Variants in FER observed in about 807,000 individuals in gnomAD.
FER encodes tyrosine-protein kinase Fer.
A neutral mutation model predicts 111.0 loss-of-function variants in FER; 63 were observed. That is an observed-to-expected ratio of 0.57 (90% CI 0.46 to 0.70). The LOEUF (loss-of-function observed/expected upper bound fraction) is 0.70, where lower values mean the gene tolerates loss of function less well. Among genes scored for constraint, FER ranks in the 30% least tolerant of loss-of-function variants. The pLI is 0.00. For missense variants in FER, 914 were observed against 954.0 expected (o/e 0.96, Z 0.55); for synonymous variants, 327 against 313.9 (o/e 1.04, Z -0.44).
intron 5 of FER, among the ~76,000 whole-genome samples, chr5:108,837,448 A>C (rs187209667): frequency 6.6e-6 from 1 of 152,208 alleles, no homozygotes; most frequent in African/African-American, 2.4e-5. Flanking sequence ...TAATCTGTCA[A>C]AATAGTTAAT....
chr5:108,760,076 TTACTC>T (rs1561376303), intron 1 of FER, among the ~76,000 whole-genome samples: 1 of 152,164 alleles, frequency 6.6e-6, no homozygotes, highest in Non-Finnish European at 1.5e-5. Context: ...AAAAACAACA[TTACTC>T]TAGTACATCT....
intron 3 of FER, among the ~76,000 whole-genome samples, chr5:108,821,260 T>C (rs1758814020): frequency 6.6e-6 from 1 of 152,188 alleles, no homozygotes; most frequent in Non-Finnish European, 1.5e-5. Context: ...CTTAGTCCTT[T>C]GGTTCTTTAA....
chr5:108,938,377 G>T (rs746412789), intron 10 of FER, among the ~76,000 whole-genome samples: 2 of 151,994 alleles, frequency 1.3e-5, no homozygotes, highest in Non-Finnish European at 2.9e-5. Flanking sequence ...ACATAGAAAA[G>T]TAAGAAGAGT....
At chr5:108,908,908 C>T (rs980671976) in intron 10 of FER, among the ~76,000 whole-genome samples, 1 of 151,752 alleles carries the variant, frequency 6.6e-6, no homozygotes, top group Admixed American at 6.6e-5. Flanking sequence ...TGTGGTGGCA[C>T]GTGCCTGTAG....
chr5:108,903,228 G>A (rs966631412), intron 10 of FER, among the ~76,000 whole-genome samples: 1 of 152,132 alleles, frequency 6.6e-6, no homozygotes, highest in South Asian at 2.1e-4. Flanking sequence ...TGCACATTTT[G>A]TTTAAGCCCT....
At chr5:108,987,216 T>G (rs1490274832) in intron 13 of FER, among the ~76,000 whole-genome samples, 1 of 152,044 alleles carries the variant, frequency 6.6e-6, no homozygotes, top group Admixed American at 6.6e-5. Context: ...GAAGCCAAGG[T>G]AGGCAGATCA....
chr5:108,918,886 A>G (rs955326312), intron 10 of FER, among the ~76,000 whole-genome samples: 17 of 152,150 alleles, frequency 1.1e-4, no homozygotes, highest in Admixed American at 9.2e-4. Context: ...GGAGTTCTCA[A>G]TTGTATTCTG....
At chr5:108,894,937 A>G (rs529428799) in intron 9 of FER, among the ~76,000 whole-genome samples, 2 of 152,250 alleles carry the variant, frequency 1.3e-5, no homozygotes, top group East Asian at 1.9e-4. Flanking sequence ...GGGGGCTACA[A>G]TTTGAGATTT....
At chr5:109,160,189 A>G (rs1755846098) in intron 17 of FER, among the ~76,000 whole-genome samples, 1 of 152,160 alleles carries the variant, frequency 6.6e-6, no homozygotes, top group African/African-American at 2.4e-5. Flanking sequence ...ATGGAACTAT[A>G]CAGGTAACTC....
chr5:109,115,036 C>A (rs1330531560), intron 17 of FER, among the ~76,000 whole-genome samples: 1 of 151,988 alleles, frequency 6.6e-6, no homozygotes, highest in Non-Finnish European at 1.5e-5. Flanking sequence ...ATGGAGAAGC[C>A]AGTAGATATT....
chr5:108,926,948 C>T (rs1266314828), intron 10 of FER, among the ~76,000 whole-genome samples: 1 of 152,046 alleles, frequency 6.6e-6, no homozygotes, highest in African/African-American at 2.4e-5. Context: ...TTATCAGAAA[C>T]TGACATTCCT....
At chr5:108,898,653 T>G (rs1749541904) in intron 10 of FER, among the ~76,000 whole-genome samples, 1 of 147,370 alleles carries the variant, frequency 6.8e-6, no homozygotes, top group Admixed American at 6.8e-5. Flanking sequence ...CTTTCCTTTC[T>G]CTCTTCCTCT....
chr5:109,095,525 C>G (rs1352722926), intron 16 of FER, among the ~76,000 whole-genome samples: 3 of 152,082 alleles, frequency 2.0e-5, no homozygotes, highest in African/African-American at 7.2e-5. Context: ...TATGTAGCAG[C>G]CAGTATCCTC....
At chr5:109,054,518 C>T (rs1773376048) in intron 16 of FER, among the ~76,000 whole-genome samples, 3 of 152,154 alleles carry the variant, frequency 2.0e-5, no homozygotes, top group African/African-American at 7.2e-5. Context: ...ATTCTGGATA[C>T]AAATCCTTTT....
intron 16 of FER, among the ~76,000 whole-genome samples, chr5:109,079,130 T>C (rs929500243): frequency 1.3e-5 from 2 of 152,166 alleles, no homozygotes; most frequent in African/African-American, 4.8e-5. Context: ...CTAGTGGTAA[T>C]GTTCCAAGAC....
Position 109,102,217 on chromosome 5 carries a change from G to A in FER, c.2048+1698G>A, listed in dbSNP as rs555333820. ...GCTGTAATGTTGTTTTTCCCACTTTGCTTTTTAAGAATTTTCATGCCTTCA... is the reference window on the plus strand; with the variant it reads ...GCTGTAATGTTGTTTTTCCCACTTTACTTTTTAAGAATTTTCATGCCTTCA... On this transcript the variant is annotated intron_variant, in intron 17 of 19. Coordinates refer to ENST00000281092, the MANE Select transcript of FER (RefSeq NM_005246.4). Among the ~76,000 whole-genome samples, 14 of 152,070 alleles carry A rather than the reference G, an allele frequency of 9.2e-5. 1 individual carries two copies. Among genetic ancestry groups the A allele is most frequent in the African/African-American group, 3.4e-4 (14 of 41,482 alleles).
chr5:109,046,341 TA>T (rs939906562), intron 15 of FER, among the ~76,000 whole-genome samples: 4 of 152,024 alleles, frequency 2.6e-5, no homozygotes, highest in African/African-American at 9.7e-5. Context: ...GTGCGTGTGT[TA>T]AAAAATATAT....
At chr5:109,182,538 A>G (rs1438554403) in intron 18 of FER, among the ~76,000 whole-genome samples, 2 of 152,168 alleles carry the variant, frequency 1.3e-5, no homozygotes, top group African/African-American at 4.8e-5. Context: ...ATAATACTCA[A>G]TATTTACACA....
intron 10 of FER, among the ~76,000 whole-genome samples, chr5:108,905,991 G>A (rs764661864): frequency 2.0e-4 from 30 of 152,084 alleles, no homozygotes; most frequent in Admixed American, 5.9e-4. Flanking sequence ...TTTGCTCTAG[G>A]GAGAGCCCCA....
Sources: allele counts gnomAD v4.1 joint callset (sites outside exome capture counted in the v4.1 genomes callset), GRCh38; gene constraint gnomAD v4.1.1; transcripts MANE v1.5; gene names NCBI Gene and HGNC (gene_info 2026-07-23, HGNC 2026-07-21).